Variants in BTBD10 observed in about 807,000 individuals in gnomAD.
BTBD10 encodes the protein BTB domain containing 10.
In BTBD10, 21 loss-of-function variants were observed where a neutral mutation model predicts 53.2. The observed-to-expected ratio is 0.39, with a 90% CI of 0.28 to 0.57. The LOEUF is 0.57. BTBD10 is among the 20% of genes least tolerant of loss of function. BTBD10 has a pLI of 0.53. For synonymous variants in BTBD10, 149 were observed against 192.7 expected, an observed-to-expected ratio of 0.77 and a Z score of 1.88; for missense variants, 360 against 594.7, an observed-to-expected ratio of 0.61 and a Z score of 4.10.
chr11:13,414,748 G>A, intron 5 of BTBD10, among the ~76,000 whole-genome samples: 1 of 147,560 alleles, frequency 6.8e-6, no homozygotes, highest in African/African-American at 2.5e-5. Flanking sequence ...GCTAAGGCAG[G>A]AGAATCACTT....
rs751164249 is a variant in BTBD10, at chr11:13,447,155, CTTCTTT to C, written c.-57-1980_-57-1975del. 1.4e-4 allele frequency among the ~76,000 whole-genome samples: 22 copies of C among 152,116 alleles called. No individual in the cohort carries two copies. The South Asian group carries it at 2.5e-3, about 17-fold the overall frequency. ...TTTCTTCTTTCTCTTTATCTCTCCT[CTTCTTT>C]TTCTTTTTCTTTCTCTCTTTCTTTG... is the stretch of plus-strand genomic sequence containing the variant. On this transcript the variant is annotated intron_variant, in intron 1 of 8. Coordinates refer to ENST00000278174, the MANE Select transcript of BTBD10 (RefSeq NM_032320.7).
chr11:13,430,677 G>A (rs1489915811), intron 2 of BTBD10, among the ~76,000 whole-genome samples: 1 of 151,944 alleles, frequency 6.6e-6, no homozygotes, highest in Non-Finnish European at 1.5e-5. Context: ...TCCATACAAT[G>A]GAATACTACT....
intron 1 of BTBD10, among the ~76,000 whole-genome samples, chr11:13,449,599 C>T (rs939899396): frequency 2.0e-5 from 3 of 152,134 alleles, no homozygotes; most frequent in Non-Finnish European, 4.4e-5. Context: ...ACTCTTAGTC[C>T]ATTTTCTGTT....
chr11:13,439,802 A>G, intron 2 of BTBD10: 1 of 1,143,598 alleles, frequency 8.7e-7, no homozygotes, highest in Non-Finnish European at 1.2e-6. Flanking sequence ...AAGGTCACAC[A>G]TATCCCTCTC....
rs140684569 is a variant in BTBD10 at position 13,428,322 on chromosome 11, G to A, written c.102-6484C>T. Among the ~76,000 whole-genome samples the A allele has an allele frequency of 3.9e-4, 60 of 152,080 alleles. No individual in the cohort carries two copies. In the East Asian group the frequency reaches 0.011, roughly 27 times the overall value. ...AAACATTCCTTCCAAGAAAACTCTA[G>A]GCTCATATGGCTTCACTGACAAATT... On this transcript the variant is annotated intron_variant, in intron 2 of 8. Coordinates refer to ENST00000278174, the MANE Select transcript of BTBD10 (RefSeq NM_032320.7).
In BTBD10 at chr11:13,389,041, C is replaced by T; in HGVS notation, c.1218G>A (p.Glu406=). 2.5e-6 allele frequency: 4 copies of T among 1,614,074 alleles called. No homozygotes were observed. Among genetic ancestry groups the T allele is most frequent in the Non-Finnish European group, 3.4e-6 (4 of 1,180,034 alleles). The change falls in exon 9 of 9, where the codon GAG becomes GAA. Residue 406 remains glutamate (E), a synonymous_variant. Transcript: ENST00000278174. ...VQRPFIRMSW[E]KEEGKSRHVD... ...CATGCCGACTCTTTCCTTCTTCCTTCTCCCAGGACATTCGAATAAAGGGTC... is the reference window on the plus strand; with the variant it reads ...CATGCCGACTCTTTCCTTCTTCCTTTTCCCAGGACATTCGAATAAAGGGTC...
In BTBD10 at chr11:13,419,706, G is replaced by A. The variant is rs777383753; in HGVS notation, c.338C>T (p.Pro113Leu). 3.1e-6 allele frequency: 5 copies of A among 1,611,284 alleles called. No individual in the cohort carries two copies. Among genetic ancestry groups the A allele is most frequent in the Admixed American group, 1.7e-5 (1 of 59,618 alleles). The change falls in exon 4 of 9, where the codon CCG (proline) becomes CTG (leucine). Residue 113 changes from proline to leucine, a missense_variant. Coordinates refer to ENST00000278174, the MANE Select transcript of BTBD10 (RefSeq NM_032320.7). ...ATTTGGGGATGCTTTTTGAGGACGC[G>A]GACTGCTTGGACGAGAGGAACTGTG... Reference protein sequence around the residue: ...KDHSSSRPSSPRPQKASPNGS... With the variant: ...KDHSSSRPSSLRPQKASPNGS...
In BTBD10 at chr11:13,406,571, G is replaced by C. The variant is rs1256687180; in HGVS notation, c.809-715C>G. Among the ~76,000 whole-genome samples the C allele has an allele frequency of 2.0e-5, 3 of 149,420 alleles. No individual in the cohort carries two copies. The Admixed American group carries it at 2.0e-4, about 10-fold the overall frequency. On this transcript the variant is annotated intron_variant, in intron 6 of 8. Transcript: ENST00000278174. Reference sequence around the variant, plus strand: ...ACCATACGCATGAGTGAGAGAGAGAGAGAGAGAGAGAGAGAGAAACAGAGA... The same window carrying C: ...ACCATACGCATGAGTGAGAGAGAGACAGAGAGAGAGAGAGAGAAACAGAGA...
Position 13,419,688 on chromosome 11 carries a change from G to A in BTBD10, c.356C>T (p.Ser119Phe), listed in dbSNP as rs1398706884. The stretch of plus-strand genomic sequence containing the variant: ...AGCACTGCTAATGGAACCATTTGGG[G>A]ATGCTTTTTGAGGACGCGGACTGCT... ...RPSSPRPQKA[S>F]PNGSISSAGN... The change falls in exon 4 of 9, where the codon TCC (serine) becomes TTC (phenylalanine). Residue 119 changes from serine (S) to phenylalanine (F), a missense_variant. Ser to Phe is a radical substitution (Grantham distance 155). Coordinates refer to ENST00000278174, the MANE Select transcript of BTBD10 (RefSeq NM_032320.7). 1.9e-6 allele frequency: 3 copies of A among 1,613,598 alleles called. No individual in the cohort carries two copies. Among genetic ancestry groups the A allele is most frequent in the Non-Finnish European group, 2.5e-6 (3 of 1,179,842 alleles).
chr11:13,449,494 GA>G lies in BTBD10; in HGVS notation c.-57-4314del, dbSNP rs976319621. 7.7e-4 allele frequency among the ~76,000 whole-genome samples: 111 copies of G among 144,830 alleles called. No individual in the cohort carries two copies. In the Middle Eastern group the frequency reaches 0.011, roughly 14 times the overall value. On this transcript the variant is annotated intron_variant, in intron 1 of 8. Transcript: ENST00000278174. ...TTTCAAGTCCAAAAGAGTTTAAAGG[GA>G]AAAAAAAAAAGAATTGATATTTTTG... is the stretch of plus-strand genomic sequence containing the variant.
At chr11:13,412,768 T>A (rs1238695264) in intron 6 of BTBD10, among the ~76,000 whole-genome samples, 2 of 152,238 alleles carry the variant, frequency 1.3e-5, no homozygotes, top group Non-Finnish European at 2.9e-5. Context: ...CCACAATGAC[T>A]TCCCCTTCCT....
intron 8 of BTBD10, among the ~76,000 whole-genome samples, chr11:13,399,699 T>A (rs965089894): frequency 6.6e-6 from 1 of 152,218 alleles, no homozygotes; most frequent in Non-Finnish European, 1.5e-5. Context: ...TGGTCTTTGA[T>A]GATGGTGACG....
chr11:13,415,303 C>G (rs1359698251), intron 5 of BTBD10, among the ~76,000 whole-genome samples: 1 of 152,040 alleles, frequency 6.6e-6, no homozygotes, highest in Non-Finnish European at 1.5e-5. Flanking sequence ...GCTATATGAG[C>G]AAACAGCAAA....
chr11:13,432,605 CAAAA>C (rs781668956), intron 2 of BTBD10, among the ~76,000 whole-genome samples: 56 of 149,200 alleles, frequency 3.8e-4, no homozygotes, highest in Admixed American at 6.0e-4. Context: ...AAAGTGGAGA[CAAAA>C]AAACACACAA....
intron 1 of BTBD10, among the ~76,000 whole-genome samples, chr11:13,459,294 G>A (rs1951040637): frequency 6.6e-6 from 1 of 151,802 alleles, no homozygotes; most frequent in African/African-American, 2.4e-5. Context: ...TCCTGACCTC[G>A]TGATCCGCCC....
intron 1 of BTBD10, among the ~76,000 whole-genome samples, chr11:13,461,294 G>A (rs946536358): frequency 3.3e-5 from 5 of 152,242 alleles, no homozygotes; most frequent in Non-Finnish European, 2.9e-5. Flanking sequence ...TTTTTAAGAC[G>A]CAAGACACTG....
chr11:13,451,830 T>C (rs1950865321), intron 1 of BTBD10, among the ~76,000 whole-genome samples: 1 of 152,040 alleles, frequency 6.6e-6, no homozygotes, highest in Non-Finnish European at 1.5e-5. Context: ...ATTCAAACAA[T>C]TAAAGAAAAA....
chr11:13,412,311 G>C (rs985729589), intron 6 of BTBD10, among the ~76,000 whole-genome samples: 2 of 152,094 alleles, frequency 1.3e-5, no homozygotes, highest in Non-Finnish European at 2.9e-5. Context: ...AAATTAGCCA[G>C]GTGTGGTGAT....
At chr11:13,417,948 T>C (rs2135817304) in intron 4 of BTBD10, among the ~76,000 whole-genome samples, 1 of 152,256 alleles carries the variant, frequency 6.6e-6, no homozygotes, top group South Asian at 2.1e-4. Flanking sequence ...TGTTGGCCCT[T>C]CAACAGTGGC....
Sources: gnomAD v4.1 joint callset for allele counts (sites outside exome capture counted in the v4.1 genomes callset) on GRCh38, gnomAD v4.1.1 for gene constraint, MANE v1.5 for transcripts, NCBI Gene and HGNC (gene_info 2026-07-23, HGNC 2026-07-21) for gene names.